CLMP: variants seen among roughly 807,000 people sequenced by gnomAD.
CLMP encodes the protein CXADR-like membrane protein.
CLMP carries 27 observed loss-of-function variants against 45.2 expected under a neutral mutation model. The observed-to-expected ratio is 0.60, with a 90% CI of 0.44 to 0.82. The LOEUF (loss-of-function observed/expected upper bound fraction) is 0.82. Ranked by LOEUF, CLMP falls within the 40% of genes least tolerant of loss-of-function variation. The pLI, the probability that CLMP is intolerant of heterozygous loss-of-function variation, is 0.00. For synonymous variants in CLMP, 167 were observed against 171.4 expected, an observed-to-expected ratio of 0.97 and a Z score of 0.20; for missense variants, 403 against 448.4, an observed-to-expected ratio of 0.90 and a Z score of 0.91.
chr11:123,083,330 A>T (rs548251364), intron 4 of CLMP, 123 bp from the exon 5 acceptor site: 195 of 1,012,658 alleles, frequency 1.9e-4, no homozygotes, highest in Non-Finnish European at 2.6e-4. Context: ...AAATGATGGA[A>T]AAGATATCCT....
Position 123,085,779 on chromosome 11 carries a change from T to G in CLMP, c.187-1066A>C, listed in dbSNP as rs201926307. Among the ~76,000 whole-genome samples the G allele has an allele frequency of 9.4e-3, 1,395 of 147,834 alleles. 25 individuals carry two copies. The highest frequency in any genetic ancestry group is 0.048 in the Admixed American group (678 of 14,252). On this transcript the variant is annotated intron_variant, in intron 2 of 6. Transcript: ENST00000448775. ...GAACTAATTTTTTATGTTTTTTTTT[T>G]TTTGTTTTTTTTTTGAGATAGAGTC... is the stretch of plus-strand genomic sequence containing the variant.
intron 1 of CLMP, among the ~76,000 whole-genome samples, chr11:123,133,137 A>G (rs1021135672): frequency 1.2e-4 from 19 of 152,322 alleles, no homozygotes; most frequent in Admixed American, 3.9e-4. Context: ...GTTCAGGGAA[A>G]GACGGGAAGT....
intron 1 of CLMP, among the ~76,000 whole-genome samples, chr11:123,176,923 C>T (rs140346372): frequency 8.4e-4 from 128 of 152,258 alleles, no homozygotes; most frequent in Non-Finnish European, 1.4e-3. Context: ...TCAACAAGTA[C>T]CCACTGAGTA....
chr11:123,167,577 G>T (rs571295415), intron 1 of CLMP, among the ~76,000 whole-genome samples: 2 of 152,036 alleles, frequency 1.3e-5, no homozygotes, highest in Non-Finnish European at 2.9e-5. Context: ...GAGCCACCAC[G>T]CCCCGCCGAA....
In CLMP at chr11:123,073,893, C is replaced by T. The variant is rs889606163; in HGVS notation, c.822-119G>A. The T allele has an allele frequency of 8.2e-6, 8 of 977,842 alleles. No homozygotes were observed. In the African/African-American group the frequency reaches 1.3e-4, roughly 16 times the overall value. The allele number at this position is 977,842 out of a possible 1,614,324, so 60.6% of individuals were successfully genotyped here. A position where few individuals can be genotyped will look rare whatever the true frequency, so the allele number is the denominator to read the frequency against. On this transcript the variant is annotated intron_variant, in intron 6 of 6. Transcript: ENST00000448775. ...TCAGATAATACCATCGGAAGGCAAC[C>T]ATTTAGGGTCATAGGTGCTTCCTCG...
At chr11:123,123,260 T>TTC in intron 1 of CLMP, among the ~76,000 whole-genome samples, 1 of 17,686 alleles carries the variant, frequency 5.7e-5, no homozygotes, top group African/African-American at 1.5e-3. Context: ...CTTTCTTTCC[T>TTC]TTTTTTTTTT....
At position 123,088,230 on chromosome 11, in the gene CLMP, A is replaced by G. The variant is rs565205528; in HGVS notation, c.187-3517T>C. 1.6e-4 allele frequency among the ~76,000 whole-genome samples: 24 copies of G among 152,242 alleles called. No homozygotes were observed. In the East Asian group the frequency reaches 4.7e-3, roughly 30 times the overall value. Reference sequence around the variant, plus strand: ...CAGCTGGAAGGGTAGGTTTCTTGGCAGGTGATAGAGCTGACTTAGTAATGC... The same window carrying G: ...CAGCTGGAAGGGTAGGTTTCTTGGCGGGTGATAGAGCTGACTTAGTAATGC... On this transcript the variant is annotated intron_variant, in intron 2 of 6. Coordinates refer to ENST00000448775, the MANE Select transcript of CLMP (RefSeq NM_024769.5).
At chr11:123,074,643 C>A in intron 6 of CLMP, 59 bp downstream of exon 6, 2 of 1,514,298 alleles carry the variant, frequency 1.3e-6, no homozygotes, top group East Asian at 4.5e-5. Context: ...GTTGGCTGGT[C>A]ACTATAGTGC....
At position 123,138,886 on chromosome 11, in the gene CLMP, C is replaced by A. The variant is rs149110201; in HGVS notation, c.29-40934G>T. ...GCCAGGCTGACCTCGAACTCCTGAC[C>A]TCAGGTGATCCACCCACCATGGCCT... On this transcript the variant is annotated intron_variant, in intron 1 of 6. Transcript: ENST00000448775. 8.9e-3 allele frequency among the ~76,000 whole-genome samples: 1,357 copies of A among 152,178 alleles called. 22 individuals carry two copies. The highest frequency in any genetic ancestry group is 0.031 in the African/African-American group (1,275 of 41,514).
At chr11:123,084,450 G>A in intron 3 of CLMP, 62 bp downstream of exon 3, 1 of 1,364,342 alleles carries the variant, frequency 7.3e-7, no homozygotes, top group Non-Finnish European at 1.0e-6. Context: ...GATGCATATG[G>A]CTATCCCTCT....
intron 1 of CLMP, among the ~76,000 whole-genome samples, chr11:123,192,679 G>C (rs542256665): frequency 6.6e-6 from 1 of 152,218 alleles, no homozygotes; most frequent in African/African-American, 2.4e-5. Context: ...CAGAGAGGTG[G>C]GTTATTTGAC....
At chr11:123,127,418 A>C (rs1027537620) in intron 1 of CLMP, among the ~76,000 whole-genome samples, 13 of 152,134 alleles carry the variant, frequency 8.5e-5, no homozygotes, top group Non-Finnish European at 1.3e-4. Flanking sequence ...CACAGCGCCC[A>C]GCCCACCTCT....
intron 1 of CLMP, among the ~76,000 whole-genome samples, chr11:123,187,153 GT>G (rs1021787123): frequency 2.0e-5 from 3 of 152,306 alleles, no homozygotes; most frequent in African/African-American, 7.2e-5. Flanking sequence ...GAAACCTAAG[GT>G]TGGGGAGGTG....
chr11:123,104,593 C>T (rs1431904288), intron 1 of CLMP, among the ~76,000 whole-genome samples: 2 of 151,908 alleles, frequency 1.3e-5, no homozygotes, highest in Non-Finnish European at 1.5e-5. Context: ...ACCATGTTGG[C>T]CAGGCTCGTC....
At chr11:123,134,520 C>T (rs1445250241) in intron 1 of CLMP, among the ~76,000 whole-genome samples, 1 of 150,424 alleles carries the variant, frequency 6.6e-6, no homozygotes, top group Non-Finnish European at 1.5e-5. Flanking sequence ...CAAATTTGCA[C>T]TCTAGACTGG....
At position 123,192,569 on chromosome 11, in the gene CLMP, G is replaced by A. The variant is rs556214503; in HGVS notation, c.28+2344C>T. Among the ~76,000 whole-genome samples the A allele has an allele frequency of 8.5e-5, 13 of 152,290 alleles. No individual in the cohort carries two copies. In the South Asian group the frequency reaches 1.5e-3, roughly 17 times the overall value. On this transcript the variant is annotated intron_variant, in intron 1 of 6. Coordinates refer to ENST00000448775, the MANE Select transcript of CLMP (RefSeq NM_024769.5). ...AAGGTGGCACAATGAGGGCCGGAAC[G>A]TTACGGGAGTGAGGCAGGATAGTGG...
chr11:123,155,973 G>A lies in CLMP; in HGVS notation c.28+38940C>T, dbSNP rs150020699. On this transcript the variant is annotated intron_variant, in intron 1 of 6. Coordinates refer to ENST00000448775, the MANE Select transcript of CLMP (RefSeq NM_024769.5). ...AAAACCTGTAAATATACCATCTTAG[G>A]AACTGTGATAGAATGAGTGTTTATG... 1.2e-3 allele frequency among the ~76,000 whole-genome samples: 181 copies of A among 152,284 alleles called. 4 individuals carry two copies. The South Asian group carries it at 0.032, about 27-fold the overall frequency.
At chr11:123,114,584 C>T (rs921577670) in intron 1 of CLMP, among the ~76,000 whole-genome samples, 6 of 151,414 alleles carry the variant, frequency 4.0e-5, no homozygotes, top group African/African-American at 9.7e-5. Flanking sequence ...GGATTACAGG[C>T]GTGAGACACC....
intron 2 of CLMP, among the ~76,000 whole-genome samples, chr11:123,091,823 G>A (rs547860666): frequency 6.6e-6 from 1 of 152,236 alleles, no homozygotes; most frequent in South Asian, 2.1e-4. Flanking sequence ...GTGTAGCAAA[G>A]CTCACCTGGC....
Sources: allele counts gnomAD v4.1 joint callset (sites outside exome capture counted in the v4.1 genomes callset), GRCh38; gene constraint gnomAD v4.1.1; transcripts MANE v1.5; gene names NCBI Gene and HGNC (gene_info 2026-07-23, HGNC 2026-07-21).